PSMA4: variants seen among roughly 807,000 people sequenced by gnomAD.
The protein encoded by PSMA4 is proteasome subunit alpha type-4.
Under a neutral mutation model 37.2 loss-of-function variants are expected in PSMA4, and 8 were observed. The observed-to-expected ratio is 0.22, with a 90% CI of 0.13 to 0.39. PSMA4 has a LOEUF of 0.39. Among genes scored for constraint, PSMA4 ranks in the 10% least tolerant of loss-of-function variants. The pLI, the probability that PSMA4 is intolerant of heterozygous loss-of-function variation, is 1.00. For missense variants in PSMA4, 169 were observed against 305.1 expected, an observed-to-expected ratio of 0.55 and a Z score of 3.32; for synonymous variants, 93 against 98.8, an observed-to-expected ratio of 0.94 and a Z score of 0.35.
Position 78,548,821 on chromosome 15 carries a change from A to G in PSMA4, c.663A>G (p.Gly221=). The G allele has an allele frequency of 6.2e-7, 1 of 1,608,708 alleles. No homozygotes were observed. The highest frequency in any genetic ancestry group is 1.1e-5 in the South Asian group (1 of 89,354). ...VEIATLTREN[G]KTVIRVLKQK... ...TTGCAACACTAACAAGAGAGAATGG[A>G]AAGACAGTAATCAGAGTTCTCAAAC... Residue 221 remains glycine, a synonymous_variant, in exon 9 of 9, where the codon GGA becomes GGG. Transcript: ENST00000044462.
chr15:78,541,731 G>A (rs2052456962), intron 1 of PSMA4, 174 bp from the exon 2 acceptor site: 5 of 607,868 alleles, frequency 8.2e-6, no homozygotes. Context: ...CTAACTGCCA[G>A]TATTAGCTTT....
At chr15:78,543,828 CA>C in intron 4 of PSMA4, 1 of 189,220 alleles carries the variant, frequency 5.3e-6, no homozygotes, top group Non-Finnish European at 1.1e-5. Context: ...CTCGGCCTCC[CA>C]AAGTGCTGGG....
intron 4 of PSMA4, 108 bp from the exon 5 acceptor site, chr15:78,544,082 A>G: frequency 1.3e-6 from 1 of 762,252 alleles, no homozygotes; most frequent in Non-Finnish European, 2.1e-6. Context: ...AGCTGTTGTG[A>G]AGCAAACATA....
chr15:78,549,759 T>A lies in PSMA4; in HGVS notation c.*815T>A, dbSNP rs1452359697. The A allele has an allele frequency of 6.6e-6, 1 of 152,230 alleles. No individual in the cohort carries two copies. The highest frequency in any genetic ancestry group is 2.4e-5 in the African/African-American group (1 of 41,456). The allele number at this position is 152,230 out of a possible 1,614,324, so 9.4% of individuals were successfully genotyped here. A position where few individuals can be genotyped will look rare whatever the true frequency, so the allele number is the denominator to read the frequency against. ...ATTCTTAGGAATGCTAAGTAAAACT[T>A]TAAGAAGTTTTTGTTGCATATTAGA... On this transcript the variant is annotated 3_prime_UTR_variant, in exon 9 of 9. Coordinates refer to ENST00000044462, the MANE Select transcript of PSMA4 (RefSeq NM_002789.6).
chr15:78,544,825 G>A (rs1293453875), intron 5 of PSMA4, 44 bp from the exon 6 acceptor site: 1 of 1,321,476 alleles, frequency 7.6e-7, no homozygotes, highest in Non-Finnish European at 1.1e-6. Flanking sequence ...GAGTCTGTCT[G>A]TGTTTTAGAG....
intron 4 of PSMA4, among the ~76,000 whole-genome samples, chr15:78,543,260 C>G (rs185034912): frequency 5.9e-5 from 9 of 152,258 alleles, no homozygotes; most frequent in Non-Finnish European, 1.0e-4. Flanking sequence ...TTGGTAAATG[C>G]TGATTATCAG....
chr15:78,551,697 A>C lies in PSMA4; in HGVS notation c.*2753A>C, dbSNP rs560507345. ...CCTAGAACAGAAACTGGCACGTGTTAGGCAACAAATAAGTACTGATGAATG... is the reference window on the plus strand; with the variant it reads ...CCTAGAACAGAAACTGGCACGTGTTCGGCAACAAATAAGTACTGATGAATG... On this transcript the variant is annotated 3_prime_UTR_variant, in exon 9 of 9. Transcript: ENST00000044462. The C allele has an allele frequency of 5.3e-5, 8 of 152,204 alleles. No homozygotes were observed. Among genetic ancestry groups the C allele is most frequent in the African/African-American group, 1.9e-4 (8 of 41,546 alleles). The allele number at this position is 152,204 out of a possible 1,614,324, so 9.4% of individuals were successfully genotyped here. A position where few individuals can be genotyped will look rare whatever the true frequency, so the allele number is the denominator to read the frequency against.
Position 78,543,706 on chromosome 15 carries a change from C to T in PSMA4, c.210-484C>T, listed in dbSNP as rs370615400. The T allele has an allele frequency of 3.4e-3, 512 of 152,784 alleles. 1 individual carries two copies. The highest frequency in any genetic ancestry group is 0.012 in the African/African-American group (493 of 41,270). 9.5% of individuals were successfully genotyped at this position (152,784 alleles called of 1,614,324 possible). A position where few individuals can be genotyped will look rare whatever the true frequency, so the allele number is the denominator to read the frequency against. On this transcript the variant is annotated intron_variant, in intron 4 of 8. Coordinates refer to ENST00000044462, the MANE Select transcript of PSMA4 (RefSeq NM_002789.6). ...ACCTCAGCCGCCCAAGTAGCTGGGA[C>T]TATAGGTGCGCACCACCACACCCAG... is the stretch of plus-strand genomic sequence containing the variant.
chr15:78,543,087 A>C (rs1261813053), intron 4 of PSMA4, among the ~76,000 whole-genome samples: 1 of 152,234 alleles, frequency 6.6e-6, no homozygotes, highest in Non-Finnish European at 1.5e-5. Context: ...TTGTTGAATT[A>C]CACTGAATCT....
At chr15:78,543,416 C>T (rs2052491330) in intron 4 of PSMA4, among the ~76,000 whole-genome samples, 1 of 151,838 alleles carries the variant, frequency 6.6e-6, no homozygotes, top group Admixed American at 6.6e-5. Context: ...AGGAAGTGGG[C>T]CCAAAAAAAT....
chr15:78,543,577 T>TG (rs1375056331), intron 4 of PSMA4, among the ~76,000 whole-genome samples: 17 of 150,336 alleles, frequency 1.1e-4, no homozygotes, highest in African/African-American at 4.2e-4. Flanking sequence ...TTTTTTTTTT[T>TG]TTTTTTTTTG....
Position 78,545,834 on chromosome 15 carries a change from T to G in PSMA4, c.507+70T>G, listed in dbSNP as rs2052542930. On this transcript the variant is annotated intron_variant, in intron 7 of 8. Coordinates refer to ENST00000044462, the MANE Select transcript of PSMA4 (RefSeq NM_002789.6). ...AACTGCCATAATTTTGCCATGGTGA[T>G]GAATGTAAACAGTATTTTAAGATAG... 10 of 1,521,560 alleles carry G rather than the reference T, an allele frequency of 6.6e-6. 1 individual carries two copies. In the South Asian group the frequency reaches 1.1e-4, roughly 17 times the overall value. The allele number at this position is 1,521,560 out of a possible 1,614,324, so 94.3% of individuals were successfully genotyped here.
intron 8 of PSMA4, 95 bp from the exon 9 acceptor site, chr15:78,548,694 GA>G (rs1196671609): frequency 2.0e-6 from 3 of 1,489,812 alleles, no homozygotes; most frequent in Non-Finnish European, 2.7e-6. Context: ...ACGTTTCAAT[GA>G]TGTGGCGAGC....
intron 4 of PSMA4, among the ~76,000 whole-genome samples, chr15:78,543,286 T>G (rs1027741344): frequency 1.3e-5 from 2 of 152,160 alleles, no homozygotes; most frequent in African/African-American, 4.8e-5. Context: ...TTTGATAAAC[T>G]TGTCCAAAGT....
chr15:78,543,967 C>G (rs1461165152), intron 4 of PSMA4: 2 of 447,032 alleles, frequency 4.5e-6, no homozygotes, highest in Non-Finnish European at 7.9e-6. Context: ...ATAAATACAT[C>G]TATTAAATAA....
chr15:78,548,976 C>T lies in PSMA4; in HGVS notation c.*32C>T, dbSNP rs774722942. ...AGATTTTATTACTCATTTGGGGCAC[C>T]ATTTCAGTGTAAAAGCAGTCCTACT... On this transcript the variant is annotated 3_prime_UTR_variant, in exon 9 of 9. Transcript: ENST00000044462. 6.3e-7 allele frequency: 1 copy of T among 1,586,824 alleles called. No individual in the cohort carries two copies. Among genetic ancestry groups the T allele is most frequent in the South Asian group, 1.2e-5 (1 of 85,294 alleles).
rs1355418908 is a variant in PSMA4, at chr15:78,549,783, G to C, written c.*839G>C. The C allele has an allele frequency of 6.6e-6, 1 of 152,182 alleles. No individual in the cohort carries two copies. The highest frequency in any genetic ancestry group is 1.5e-5 in the Non-Finnish European group (1 of 68,018). The allele number at this position is 152,182 out of a possible 1,614,324, so 9.4% of individuals were successfully genotyped here. A position where few individuals can be genotyped will look rare whatever the true frequency, so the allele number is the denominator to read the frequency against. On this transcript the variant is annotated 3_prime_UTR_variant, in exon 9 of 9. Coordinates refer to ENST00000044462, the MANE Select transcript of PSMA4 (RefSeq NM_002789.6). ...TTTAAGAAGTTTTTGTTGCATATTAGAATCACCTAGGAAGCTTTTGCAGCT... is the reference window on the plus strand; with the variant it reads ...TTTAAGAAGTTTTTGTTGCATATTACAATCACCTAGGAAGCTTTTGCAGCT...
intron 4 of PSMA4, chr15:78,543,985 G>T (rs935105623): frequency 1.4e-5 from 7 of 495,578 alleles, no homozygotes; most frequent in South Asian, 3.0e-5. Flanking sequence ...TAACTTAAAG[G>T]GTGCATTTGT....
At chr15:78,542,155 C>T in intron 2 of PSMA4, 22 bp from the exon 3 acceptor site, 1 of 1,610,674 alleles carries the variant, frequency 6.2e-7, no homozygotes, top group Non-Finnish European at 8.5e-7. Context: ...GTAGGAATCA[C>T]TCATGTGTTT....
Sources: gnomAD v4.1 joint callset for allele counts (sites outside exome capture counted in the v4.1 genomes callset) on GRCh38, gnomAD v4.1.1 for gene constraint, MANE v1.5 for transcripts, NCBI Gene and HGNC (gene_info 2026-07-23, HGNC 2026-07-21) for gene names.